AUTS2: variants seen among roughly 807,000 people sequenced by gnomAD.
AUTS2 encodes autism susceptibility gene 2 protein.
A neutral mutation model predicts 112.4 loss-of-function variants in AUTS2; 17 were observed. The observed-to-expected ratio is 0.15, with a 90% CI of 0.10 to 0.23. The LOEUF is 0.23. AUTS2 is among the 10% of genes least tolerant of loss of function. The pLI is 1.00. For synonymous variants in AUTS2, 751 were observed against 702.7 expected (o/e 1.07, Z -1.09); for missense variants, 1,510 against 1,701.6 (o/e 0.89, Z 1.98).
intron 6 of AUTS2, among the ~76,000 whole-genome samples, chr7:70,725,762 C>T (rs1786989903): frequency 6.6e-6 from 1 of 152,090 alleles, no homozygotes; most frequent in East Asian, 1.9e-4. Context: ...GTTTCATTGC[C>T]CCTAGTAGAG....
At chr7:69,666,903 A>C (rs1198998276) in intron 1 of AUTS2, among the ~76,000 whole-genome samples, 2 of 152,148 alleles carry the variant, frequency 1.3e-5, no homozygotes, top group Non-Finnish European at 2.9e-5. Context: ...CTCTATCCCC[A>C]AAAACAAAAC....
chr7:70,720,931 T>G (rs1229681258), intron 6 of AUTS2, among the ~76,000 whole-genome samples: 1 of 151,948 alleles, frequency 6.6e-6, no homozygotes, highest in Non-Finnish European at 1.5e-5. Context: ...ACACGAGAGA[T>G]AAGCAAAGGG....
Position 69,712,530 on chromosome 7 carries a change from A to G in AUTS2, c.309+112568A>G, listed in dbSNP as rs147732445. 3.9e-5 allele frequency among the ~76,000 whole-genome samples: 6 copies of G among 152,274 alleles called. No homozygotes were observed. The East Asian group carries it at 9.6e-4, about 24-fold the overall frequency. On this transcript the variant is annotated intron_variant, in intron 1 of 18. Transcript: ENST00000342771. ...CTTTCACTTAGCATAATTAAGATTCATCTATGTTGTAGTGTATATTGATAA... is the reference window on the plus strand; with the variant it reads ...CTTTCACTTAGCATAATTAAGATTCGTCTATGTTGTAGTGTATATTGATAA...
intron 5 of AUTS2, among the ~76,000 whole-genome samples, chr7:70,696,031 T>TAAA (rs34605942): frequency 2.6e-5 from 4 of 151,950 alleles, no homozygotes; most frequent in Non-Finnish European, 5.9e-5. Flanking sequence ...TAATTTTTTT[T>TAAA]AAAAAGCCAG....
chr7:70,689,711 G>C (rs975047556), intron 5 of AUTS2, among the ~76,000 whole-genome samples: 1 of 150,738 alleles, frequency 6.6e-6, no homozygotes, highest in Non-Finnish European at 1.5e-5. Context: ...GGGAGGCGGG[G>C]CTTGCAGTGA....
chr7:70,083,126 C>G (rs1376489127), intron 2 of AUTS2, among the ~76,000 whole-genome samples: 2 of 152,156 alleles, frequency 1.3e-5, no homozygotes, highest in Middle Eastern at 3.2e-3. Context: ...AGGGCCCTCT[C>G]TTTCCCTGAT....
intron 4 of AUTS2, among the ~76,000 whole-genome samples, chr7:70,285,106 T>G (rs970369407): frequency 6.6e-6 from 1 of 152,228 alleles, no homozygotes; most frequent in Non-Finnish European, 1.5e-5. Flanking sequence ...ATGCTGATTT[T>G]TTTTTTTAGT....
chr7:69,955,870 G>C (rs1797191575), intron 2 of AUTS2, among the ~76,000 whole-genome samples: 1 of 152,082 alleles, frequency 6.6e-6, no homozygotes, highest in African/African-American at 2.4e-5. Flanking sequence ...GTATGCTCAA[G>C]TTATTGCTCT....
chr7:70,687,349 G>T (rs1426239222), intron 5 of AUTS2, among the ~76,000 whole-genome samples: 1 of 152,208 alleles, frequency 6.6e-6, no homozygotes, highest in Non-Finnish European at 1.5e-5. Flanking sequence ...ACAGCCAATT[G>T]GGTGACACGA....
intron 5 of AUTS2, among the ~76,000 whole-genome samples, chr7:70,633,356 G>A (rs1050587768): frequency 3.9e-5 from 6 of 152,238 alleles, no homozygotes; most frequent in African/African-American, 9.6e-5. Flanking sequence ...AGTGGCTCAC[G>A]CCTGTAAGCC....
intron 4 of AUTS2, among the ~76,000 whole-genome samples, chr7:70,350,223 AT>A (rs566401267): frequency 8.6e-5 from 13 of 151,424 alleles, no homozygotes; most frequent in Admixed American, 2.0e-4. Flanking sequence ...GAAGAGACCT[AT>A]TTTTTTTTAT....
rs973024417 is a variant in AUTS2 at position 69,735,346 on chromosome 7, T to C, written c.309+135384T>C. On this transcript the variant is annotated intron_variant, in intron 1 of 18. Coordinates refer to ENST00000342771, the MANE Select transcript of AUTS2 (RefSeq NM_015570.4). The stretch of plus-strand genomic sequence containing the variant: ...CTGTTTTCAGACAGTTGCAGAGTTA[T>C]CCTATGAAGGAGGAACCATAATTCT... Among the ~76,000 whole-genome samples the C allele has an allele frequency of 2.6e-5, 4 of 152,260 alleles. No individual in the cohort carries two copies. In the East Asian group the frequency reaches 7.7e-4, roughly 29 times the overall value.
intron 1 of AUTS2, among the ~76,000 whole-genome samples, chr7:69,738,925 C>T (rs1418875486): frequency 2.6e-5 from 4 of 152,046 alleles, no homozygotes; most frequent in African/African-American, 9.7e-5. Context: ...TTTGCATTCT[C>T]CTAATCAGAT....
intron 2 of AUTS2, among the ~76,000 whole-genome samples, chr7:69,916,373 A>G (rs566367576): frequency 1.3e-5 from 2 of 152,370 alleles, no homozygotes; most frequent in African/African-American, 4.8e-5. Context: ...GAACAAAATA[A>G]TGAATACATC....
chr7:70,657,117 C>T (rs1176495081), intron 5 of AUTS2, among the ~76,000 whole-genome samples: 4 of 152,126 alleles, frequency 2.6e-5, no homozygotes, highest in Non-Finnish European at 5.9e-5. Flanking sequence ...TCAAGTGTCC[C>T]TTCTGGTTTT....
intron 5 of AUTS2, among the ~76,000 whole-genome samples, chr7:70,546,203 G>T (rs1800768411): frequency 6.6e-6 from 1 of 152,104 alleles, no homozygotes; most frequent in South Asian, 2.1e-4. Context: ...CAGCACTTTG[G>T]GAGGCTGAGG....
chr7:70,539,564 A>T, intron 5 of AUTS2, among the ~76,000 whole-genome samples: 1 of 152,126 alleles, frequency 6.6e-6, no homozygotes, highest in African/African-American at 2.4e-5. Context: ...TTTGAAATGG[A>T]TTGAAAACAA....
chr7:70,179,819 C>T (rs1809201538), intron 4 of AUTS2, among the ~76,000 whole-genome samples: 1 of 152,136 alleles, frequency 6.6e-6, no homozygotes, highest in Non-Finnish European at 1.5e-5. Flanking sequence ...TTTGGTTGTA[C>T]ATGAAGGGGA....
In AUTS2 at chr7:70,787,220, A is replaced by G. The variant is rs1158235085; in HGVS notation, c.2320A>G (p.Met774Val). ...LGNPSVTPNS[M>V]FGHKDGPSVQ... ...CTTCACCATTTCAGCACCCAACTCA[A>G]TGTTCGGCCACAAGGATGGCCCCAG... The change falls in exon 18 of 19, where the codon ATG becomes GTG. Residue 774 changes from methionine to valine, a missense_variant. Physicochemically the swap from Met to Val is conservative, Grantham distance 21 (BLOSUM62 1). This residue lies in a region of AUTS2 where 788 missense variants were observed against 797.6 expected (regional missense o/e 0.99). Transcript: ENST00000342771. The G allele has an allele frequency of 1.3e-5, 21 of 1,614,144 alleles. No individual in the cohort carries two copies. Among genetic ancestry groups the G allele is most frequent in the Non-Finnish European group, 1.7e-5 (20 of 1,180,010 alleles).
Sources: gnomAD v4.1 joint callset for allele counts (sites outside exome capture counted in the v4.1 genomes callset) on GRCh38, gnomAD v4.1.1 for gene constraint, gnomAD v4.1.1 regional missense constraint, MANE v1.5 for transcripts, NCBI Gene and HGNC (gene_info 2026-07-23, HGNC 2026-07-21) for gene names.